THUMPD2: variants seen among roughly 807,000 people sequenced by gnomAD.
The protein encoded by THUMPD2 is U6 snRNA (guanine-N(2))-methyltransferase THUMPD2.
Under a neutral mutation model 49.4 loss-of-function variants are expected in THUMPD2, and 56 were observed. That is an observed-to-expected ratio of 1.13 (90% CI 0.91 to 1.41). The LOEUF is 1.41. THUMPD2 is among the 40% of genes most tolerant of loss of function. The pLI is 0.00. For synonymous variants in THUMPD2, 237 were observed against 205.2 expected, an observed-to-expected ratio of 1.15 and a Z score of -1.32; for missense variants, 709 against 594.5, an observed-to-expected ratio of 1.19 and a Z score of -2.00.
At chr2:39,768,905 T>C (rs1489383630) in intron 3 of THUMPD2, 7 of 1,300,500 alleles carry the variant, frequency 5.4e-6, no homozygotes, top group African/African-American at 1.5e-5. Context: ...ACTCACCCTT[T>C]AGGGTTTGAC....
intron 5 of THUMPD2, among the ~76,000 whole-genome samples, chr2:39,762,016 A>T (rs942786721): frequency 1.3e-5 from 2 of 152,196 alleles, no homozygotes; most frequent in Non-Finnish European, 2.9e-5. Context: ...TTCACACTTT[A>T]TCCTCCACCT....
chr2:39,740,348 G>A (rs900746595), intron 9 of THUMPD2, among the ~76,000 whole-genome samples: 1 of 152,108 alleles, frequency 6.6e-6, no homozygotes, highest in African/African-American at 2.4e-5. Context: ...GATCAGAAAG[G>A]AGATTCATGA....
chr2:39,739,628 A>G (rs1461731347), intron 9 of THUMPD2, among the ~76,000 whole-genome samples: 2 of 152,204 alleles, frequency 1.3e-5, no homozygotes, highest in African/African-American at 4.8e-5. Context: ...GGCCAAGTAC[A>G]TGCAAGTGCA....
At chr2:39,756,123 T>C (rs1209432136) in intron 6 of THUMPD2, among the ~76,000 whole-genome samples, 163 bp from the exon 7 acceptor site, 2 of 152,108 alleles carry the variant, frequency 1.3e-5, no homozygotes, top group Non-Finnish European at 2.9e-5. Flanking sequence ...TTTATTTTTT[T>C]AAGTTGAAAG....
At chr2:39,749,081 A>G (rs1269505633) in intron 8 of THUMPD2, among the ~76,000 whole-genome samples, 1 of 152,180 alleles carries the variant, frequency 6.6e-6, no homozygotes, top group Non-Finnish European at 1.5e-5. Context: ...TTATATGGGT[A>G]TAACATTAAA....
intron 1 of THUMPD2, 51 bp from the exon 2 acceptor site, chr2:39,771,691 C>A (rs1022902902): frequency 3.9e-6 from 6 of 1,536,846 alleles, no homozygotes; most frequent in East Asian, 2.3e-5. Flanking sequence ...GTGAAAAAAC[C>A]ATATTTTTTC....
chr2:39,768,629 G>A, intron 3 of THUMPD2, 128 bp from the exon 4 acceptor site: 2 of 813,208 alleles, frequency 2.5e-6, no homozygotes, highest in Non-Finnish European at 3.9e-6. Context: ...TTAGAGTTCT[G>A]ATATTAAAAT....
At chr2:39,756,681 A>G (rs996875721) in intron 6 of THUMPD2, among the ~76,000 whole-genome samples, 1 of 152,060 alleles carries the variant, frequency 6.6e-6, no homozygotes, top group Non-Finnish European at 1.5e-5. Flanking sequence ...CTGAATACAA[A>G]TTATCAATAC....
intron 8 of THUMPD2, among the ~76,000 whole-genome samples, chr2:39,745,002 T>C (rs1178819122): frequency 6.6e-6 from 1 of 152,160 alleles, no homozygotes; most frequent in Non-Finnish European, 1.5e-5. Flanking sequence ...ACAATGATTA[T>C]CACTAAAAAT....
At chr2:39,762,934 T>A (rs769119562) in intron 5 of THUMPD2, among the ~76,000 whole-genome samples, 1 of 151,836 alleles carries the variant, frequency 6.6e-6, no homozygotes. Flanking sequence ...TGGGACATAA[T>A]TCTATTAATA....
chr2:39,762,745 C>T (rs1006009689), intron 5 of THUMPD2, among the ~76,000 whole-genome samples: 3 of 150,102 alleles, frequency 2.0e-5, no homozygotes, highest in Non-Finnish European at 3.0e-5. Flanking sequence ...AGTTTGCATT[C>T]TAGATGCCAA....
At chr2:39,771,702 C>T (rs1186930105) in intron 1 of THUMPD2, 62 bp from the exon 2 acceptor site, 1 of 1,494,138 alleles carries the variant, frequency 6.7e-7, no homozygotes, top group Admixed American at 2.3e-5. Context: ...ATATTTTTTC[C>T]CTCAAGATAT....
chr2:39,748,794 A>T (rs952387817), intron 8 of THUMPD2, among the ~76,000 whole-genome samples: 1 of 152,106 alleles, frequency 6.6e-6, no homozygotes, highest in South Asian at 2.1e-4. Context: ...TGGGCAATAC[A>T]GTGAGACCCC....
chr2:39,773,855 C>T (rs1678709029), intron 1 of THUMPD2, among the ~76,000 whole-genome samples: 1 of 152,130 alleles, frequency 6.6e-6, no homozygotes, highest in Non-Finnish European at 1.5e-5. Context: ...TACGAATTAT[C>T]ATAAGGCCTA....
chr2:39,753,957 A>C (rs1675765119), intron 8 of THUMPD2, among the ~76,000 whole-genome samples: 1 of 152,216 alleles, frequency 6.6e-6, no homozygotes, highest in East Asian at 1.9e-4. Context: ...ACCTTTAAAA[A>C]GCACACACAC....
Position 39,779,100 on chromosome 2 carries a change from C to A in THUMPD2, c.126+14G>T, listed in dbSNP as rs1457320677. ...GCCGCCCACCTCCCCAGGCGCGCAG[C>A]GAGGCCAACTCACCTGCGTGGCCGC... On this transcript the variant is annotated intron_variant, in intron 1 of 9. Transcript: ENST00000505747. 6.7e-7 allele frequency: 1 copy of A among 1,499,798 alleles called. No individual in the cohort carries two copies. Among genetic ancestry groups the A allele is most frequent in the South Asian group, 1.3e-5 (1 of 79,970 alleles). The allele number at this position is 1,499,798 out of a possible 1,614,324, so 92.9% of individuals were successfully genotyped here.
intron 9 of THUMPD2, among the ~76,000 whole-genome samples, chr2:39,739,424 G>A (rs1279374246): frequency 6.6e-6 from 1 of 152,108 alleles, no homozygotes; most frequent in African/African-American, 2.4e-5. Context: ...CTTTCCCAGA[G>A]AGGCCTTTCC....
At chr2:39,745,394 G>C (rs943050985) in intron 8 of THUMPD2, among the ~76,000 whole-genome samples, 3 of 152,076 alleles carry the variant, frequency 2.0e-5, no homozygotes, top group Non-Finnish European at 4.4e-5. Context: ...AAGAAGAGTA[G>C]ATTGTTCGAA....
intron 8 of THUMPD2, among the ~76,000 whole-genome samples, chr2:39,751,761 T>C (rs1432367967): frequency 6.8e-6 from 1 of 146,002 alleles, no homozygotes; most frequent in Admixed American, 7.3e-5. Flanking sequence ...CTAGGGTCAC[T>C]GCAACCTTCA....
Sources: allele counts gnomAD v4.1 joint callset (sites outside exome capture counted in the v4.1 genomes callset), GRCh38; gene constraint gnomAD v4.1.1; transcripts MANE v1.5; gene names NCBI Gene and HGNC (gene_info 2026-07-23, HGNC 2026-07-21).